Variants in NEIL2 observed in about 807,000 individuals in gnomAD.
NEIL2 encodes the protein endonuclease 8-like 2.
NEIL2 carries 23 observed loss-of-function variants against 22.2 expected under a neutral mutation model. The observed-to-expected ratio is 1.04, with a 90% CI of 0.75 to 1.47. The LOEUF (loss-of-function observed/expected upper bound fraction) is 1.47, where lower values mean the gene tolerates loss of function less well. Ranked by LOEUF, NEIL2 falls within the 40% of genes most tolerant of loss-of-function variation. NEIL2 has a pLI of 0.00. For missense variants in NEIL2, 583 were observed against 404.7 expected (o/e 1.44, Z -3.78); for synonymous variants, 229 against 164.8 (o/e 1.39, Z -2.99).
intron 2 of NEIL2, among the ~76,000 whole-genome samples, chr8:11,773,316 A>G (rs965241397): frequency 2.6e-5 from 4 of 152,112 alleles, no homozygotes; most frequent in Admixed American, 1.3e-4. Context: ...GCAGAAAACC[A>G]TGTTGCAGGG....
Position 11,786,163 on chromosome 8 carries a change from G to A in NEIL2, c.889G>A (p.Val297Ile). ...AGAACAGTGCCCTGCTGGCCACCAG[G>A]TCATGAAGGAGGCGTTTGGGCCCGA... ...QKEQCPAGHQ[V>I]MKEAFGPEDG... The change falls in exon 5 of 5, where the codon GTC becomes ATC. Residue 297 changes from valine (V) to isoleucine (I), a missense_variant. Coordinates refer to ENST00000284503, the MANE Select transcript of NEIL2 (RefSeq NM_145043.4). 1 of 1,613,944 alleles carries A rather than the reference G, an allele frequency of 6.2e-7. No homozygotes were observed. Among genetic ancestry groups the A allele is most frequent in the South Asian group, 1.1e-5 (1 of 91,070 alleles).
chr8:11,784,681 G>T (rs868073813), intron 4 of NEIL2, among the ~76,000 whole-genome samples: 10 of 152,180 alleles, frequency 6.6e-5, no homozygotes, highest in Admixed American at 2.6e-4. Context: ...GTCCACTGTG[G>T]GTTACTAAAG....
chr8:11,775,862 A>G (rs1379906064), intron 2 of NEIL2, among the ~76,000 whole-genome samples: 2 of 152,322 alleles, frequency 1.3e-5, no homozygotes, highest in African/African-American at 4.8e-5. Flanking sequence ...TATTGTCCAT[A>G]TCACTATCAG....
In NEIL2 at chr8:11,786,264, G is replaced by T. The variant is rs769307725; in HGVS notation, c.990G>T (p.Gln330His). The T allele has an allele frequency of 4.3e-6, 7 of 1,611,842 alleles. No homozygotes were observed. The highest frequency in any genetic ancestry group is 1.3e-5 in the African/African-American group (1 of 74,952). ...PQLSEEPEQC[Q>H]FS ...TGTCAGAGGAGCCAGAGCAGTGCCA[G>T]TTCTCCTAAGGAGCTGGTGGTGCTC... Residue 330 changes from glutamine to histidine, a missense_variant, in exon 5 of 5, where the codon CAG becomes CAT. Physicochemically the swap from Gln to His is conservative, Grantham distance 24. Coordinates refer to ENST00000284503, the MANE Select transcript of NEIL2 (RefSeq NM_145043.4).
intron 2 of NEIL2, among the ~76,000 whole-genome samples, chr8:11,778,574 C>G (rs963532380): frequency 6.6e-6 from 1 of 152,080 alleles, no homozygotes; most frequent in Non-Finnish European, 1.5e-5. Context: ...GAAAGACTGC[C>G]TGAATTTCAG....
intron 3 of NEIL2, 71 bp from the exon 4 acceptor site, chr8:11,783,132 C>G (rs1028154902): frequency 7.3e-6 from 10 of 1,371,182 alleles, no homozygotes; most frequent in Middle Eastern, 1.8e-4. Context: ...GTGTGTATGA[C>G]CCAGCCACAG....
chr8:11,775,914 A>C (rs1296177886), intron 2 of NEIL2, among the ~76,000 whole-genome samples: 1 of 152,208 alleles, frequency 6.6e-6, no homozygotes, highest in Non-Finnish European at 1.5e-5. Context: ...AGGAAGTTCC[A>C]AACTTTCCCA....
In NEIL2 at chr8:11,769,826, G is replaced by C. The variant is rs919675876; in HGVS notation, c.-512G>C. On this transcript the variant is annotated 5_prime_UTR_variant, in exon 1 of 5. Coordinates refer to ENST00000284503, the MANE Select transcript of NEIL2 (RefSeq NM_145043.4). Reference sequence around the variant, plus strand: ...GCCGCCCGCCCTCCGGTAGATCTGCGGCCTGGCGGAGAAGTCGGGAGGGGA... The same window carrying C: ...GCCGCCCGCCCTCCGGTAGATCTGCCGCCTGGCGGAGAAGTCGGGAGGGGA... The C allele has an allele frequency of 5.3e-5, 8 of 152,372 alleles. No individual in the cohort carries two copies. Among genetic ancestry groups the C allele is most frequent in the Non-Finnish European group, 1.0e-4 (7 of 68,186 alleles). The allele number at this position is 152,372 out of a possible 1,614,324, so 9.4% of individuals were successfully genotyped here. A position where few individuals can be genotyped will look rare whatever the true frequency, so the allele number is the denominator to read the frequency against.
At position 11,771,955 on chromosome 8, in the gene NEIL2, A is replaced by T. The variant is rs569225035; in HGVS notation, c.138+370A>T. On this transcript the variant is annotated intron_variant, in intron 2 of 4. Coordinates refer to ENST00000284503, the MANE Select transcript of NEIL2 (RefSeq NM_145043.4). Reference sequence around the variant, plus strand: ...CACGGTGGCTCGCACCTGTAATCCCAGCACTTTGGGAGGCCGAGGCGGGTG... The same window carrying T: ...CACGGTGGCTCGCACCTGTAATCCCTGCACTTTGGGAGGCCGAGGCGGGTG... Among the ~76,000 whole-genome samples the T allele has an allele frequency of 1.1e-4, 17 of 152,296 alleles. No individual in the cohort carries two copies. In the East Asian group the frequency reaches 3.3e-3, roughly 29 times the overall value.
intron 2 of NEIL2, among the ~76,000 whole-genome samples, chr8:11,775,205 A>G (rs557548339): frequency 3.3e-5 from 5 of 152,354 alleles, no homozygotes; most frequent in Admixed American, 1.3e-4. Flanking sequence ...CGTTGTTTCT[A>G]TACATCCTCA....
chr8:11,776,452 A>G (rs1205723971), intron 2 of NEIL2, among the ~76,000 whole-genome samples: 1 of 152,200 alleles, frequency 6.6e-6, no homozygotes, highest in Non-Finnish European at 1.5e-5. Context: ...CAGTTGTTGG[A>G]CACTCGGATT....
intron 2 of NEIL2, among the ~76,000 whole-genome samples, chr8:11,772,548 C>T (rs1234684409): frequency 6.6e-6 from 1 of 152,186 alleles, no homozygotes; most frequent in African/African-American, 2.4e-5. Flanking sequence ...GAAGGAGACT[C>T]CATCTCTGTG....
Position 11,786,399 on chromosome 8 carries a change from A to G in NEIL2, c.*126A>G, listed in dbSNP as rs1804960111. 6.6e-6 allele frequency: 6 copies of G among 909,244 alleles called. No homozygotes were observed. The highest frequency in any genetic ancestry group is 5.7e-5 in the South Asian group (4 of 70,430). 56.3% of individuals were successfully genotyped at this position (909,244 alleles called of 1,614,324 possible). On this transcript the variant is annotated 3_prime_UTR_variant, in exon 5 of 5. Coordinates refer to ENST00000284503, the MANE Select transcript of NEIL2 (RefSeq NM_145043.4). ...TGTGGGTCAGAGGTGCCAGTAGTAT[A>G]ATATTCGTCTCCCTGGAGTTATGTT...
chr8:11,771,234 G>A (rs1803406466), intron 1 of NEIL2, among the ~76,000 whole-genome samples: 1 of 152,112 alleles, frequency 6.6e-6, no homozygotes, highest in Non-Finnish European at 1.5e-5. Context: ...GGTAAGAGGG[G>A]CTGCCTTTCC....
chr8:11,777,164 T>A (rs1425908098), intron 2 of NEIL2, among the ~76,000 whole-genome samples: 1 of 140,416 alleles, frequency 7.1e-6, no homozygotes, highest in African/African-American at 3.2e-5. Context: ...TTTCTTTTCT[T>A]TTTTTTTTGT....
In NEIL2 at chr8:11,783,920, C is replaced by T. The variant is rs529883378; in HGVS notation, c.688+521C>T. On this transcript the variant is annotated intron_variant, in intron 4 of 4. Coordinates refer to ENST00000284503, the MANE Select transcript of NEIL2 (RefSeq NM_145043.4). ...ACGCGAGTGAAGAAGCTGTTTCCCT[C>T]TCTCTATTGCAGTGGCGTGAGCAGT... Among the ~76,000 whole-genome samples the T allele has an allele frequency of 2.0e-5, 3 of 152,376 alleles. No individual in the cohort carries two copies. The East Asian group carries it at 5.8e-4, about 29-fold the overall frequency.
At chr8:11,772,343 A>T (rs804266) in intron 2 of NEIL2, among the ~76,000 whole-genome samples, 66,574 of 152,040 alleles carry the variant, frequency 0.44, 15,445 homozygotes, top group East Asian at 0.71. Context: ...CTGTCTTCTG[A>T]TCGATGAAAC....
At chr8:11,778,251 T>G (rs1412414674) in intron 2 of NEIL2, among the ~76,000 whole-genome samples, 1 of 151,834 alleles carries the variant, frequency 6.6e-6, no homozygotes, top group East Asian at 1.9e-4. Context: ...AAATATTTTC[T>G]GCAGCAAATT....
intron 3 of NEIL2, among the ~76,000 whole-genome samples, chr8:11,782,213 A>C (rs1804485252): frequency 6.6e-6 from 1 of 152,110 alleles, no homozygotes; most frequent in South Asian, 2.1e-4. Flanking sequence ...ACCTGACGTC[A>C]GGAGTTCGAG....
Sources: allele counts gnomAD v4.1 joint callset (sites outside exome capture counted in the v4.1 genomes callset), GRCh38; gene constraint gnomAD v4.1.1; transcripts MANE v1.5; gene names NCBI Gene and HGNC (gene_info 2026-07-23, HGNC 2026-07-21).